The following COLEC12 variants were observed in gnomAD, a reference collection of about 807,000 sequenced individuals.
The protein encoded by COLEC12 is collectin subfamily member 12, also known as collectin-12.
In COLEC12, 33 loss-of-function variants were observed where a neutral mutation model predicts 71.1. That is an observed-to-expected ratio of 0.46 (90% CI 0.35 to 0.62). The LOEUF (loss-of-function observed/expected upper bound fraction) is 0.62, where lower values mean the gene tolerates loss of function less well. COLEC12 is among the 20% of genes least tolerant of loss of function. The pLI is 0.00. For missense variants in COLEC12, 765 were observed against 916.1 expected, an observed-to-expected ratio of 0.84 and a Z score of 2.13; for synonymous variants, 350 against 353.0, an observed-to-expected ratio of 0.99 and a Z score of 0.10.
Position 327,178 on chromosome 18 carries a change from G to A in COLEC12, c.2063+4490C>T, listed in dbSNP as rs1453789827. Among the ~76,000 whole-genome samples the A allele has an allele frequency of 6.6e-6, 1 of 152,198 alleles. No individual in the cohort carries two copies. Among genetic ancestry groups the A allele is most frequent in the Non-Finnish European group, 1.5e-5 (1 of 68,036 alleles). On this transcript the variant is annotated intron_variant, in intron 8 of 9. Transcript: ENST00000400256. This position sits in a 1 kb window ranked among gnomAD's most constrained non-coding sequence, Gnocchi z 4.0. ...GACCTGGTGAAATGAGAAGAATAAG[G>A]ACAATGTGTGTGTGTGTGAATGTAA... is the stretch of plus-strand genomic sequence containing the variant.
At chr18:403,121 T>C (rs1163390525) in intron 2 of COLEC12, among the ~76,000 whole-genome samples, 1 of 152,212 alleles carries the variant, frequency 6.6e-6, no homozygotes, top group Admixed American at 6.5e-5. Context: ...AGGATCATGA[T>C]ACAAAGGACT....
chr18:423,731 G>A (rs1205969726), intron 2 of COLEC12: 2 of 152,092 alleles, frequency 1.3e-5, no homozygotes, highest in Non-Finnish European at 2.9e-5. Flanking sequence ...AACGACTTCT[G>A]GTTTTGTTTT....
chr18:412,729 C>T (rs899555583), intron 2 of COLEC12, among the ~76,000 whole-genome samples: 12 of 152,030 alleles, frequency 7.9e-5, no homozygotes, highest in Admixed American at 6.5e-4. Flanking sequence ...CTAGAACTAG[C>T]GAAATGACAA....
At position 334,771 on chromosome 18, in the gene COLEC12, T is replaced by C. The variant is rs1312205266; in HGVS notation, c.1787A>G (p.Asn596Ser). ...GTCCTCCGGTGCTGGGGTTGGCTCA[T>C]TCTGCAGGGCCAGGGGCACCACCGC... ...SGAVVPLALQ[N>S]EPTPAPEDNG... Residue 596 changes from asparagine (N) to serine (S), a missense_variant, in exon 6 of 10, where the codon AAT (asparagine) becomes AGT (serine). Transcript: ENST00000400256. The C allele has an allele frequency of 1.0e-5, 15 of 1,477,592 alleles. No individual in the cohort carries two copies. The highest frequency in any genetic ancestry group is 1.3e-5 in the Non-Finnish European group (15 of 1,120,108). The allele number at this position is 1,477,592 out of a possible 1,614,324, so 91.5% of individuals were successfully genotyped here.
chr18:368,638 G>A (rs938211406), intron 2 of COLEC12, among the ~76,000 whole-genome samples: 9 of 152,136 alleles, frequency 5.9e-5, no homozygotes, highest in African/African-American at 1.2e-4. Context: ...GCCAAGGTGG[G>A]CGGATCATGA....
intron 2 of COLEC12, among the ~76,000 whole-genome samples, chr18:405,639 C>A (rs1045138795): frequency 1.3e-5 from 2 of 152,188 alleles, no homozygotes; most frequent in Non-Finnish European, 2.9e-5. Context: ...GCTGCTCCAA[C>A]ACAGGTATTT....
intron 2 of COLEC12, among the ~76,000 whole-genome samples, chr18:395,297 A>C (rs1915546618): frequency 6.6e-6 from 1 of 152,210 alleles, no homozygotes; most frequent in Non-Finnish European, 1.5e-5. Context: ...AGGGCCCTCC[A>C]AACTGCACAT....
chr18:427,429 C>T (rs1916219143), intron 2 of COLEC12, among the ~76,000 whole-genome samples: 1 of 152,168 alleles, frequency 6.6e-6, no homozygotes, highest in African/African-American at 2.4e-5. Flanking sequence ...CATTTAGAAT[C>T]TGAGGTCATC....
chr18:353,709 G>C (rs577219742), intron 3 of COLEC12, among the ~76,000 whole-genome samples: 208 of 152,332 alleles, frequency 1.4e-3, no homozygotes, highest in Non-Finnish European at 9.1e-4. Flanking sequence ...TTTTGTACCA[G>C]ACTGATCATG....
intron 2 of COLEC12, among the ~76,000 whole-genome samples, chr18:433,018 A>C (rs1916335574): frequency 6.6e-6 from 1 of 152,196 alleles, no homozygotes; most frequent in Non-Finnish European, 1.5e-5. Flanking sequence ...AATTTTGCAC[A>C]GTGTGATGAT....
chr18:358,228 G>C (rs1261161887), intron 2 of COLEC12, among the ~76,000 whole-genome samples: 1 of 152,210 alleles, frequency 6.6e-6, no homozygotes, highest in Non-Finnish European at 1.5e-5. Context: ...AGATGGTATA[G>C]ACCAGCGGTC....
At chr18:368,781 G>A (rs374023707) in intron 2 of COLEC12, among the ~76,000 whole-genome samples, 75 of 152,312 alleles carry the variant, frequency 4.9e-4, no homozygotes, top group African/African-American at 1.7e-3. Context: ...CAGGAGAATG[G>A]CGTGAACCCG....
intron 2 of COLEC12, among the ~76,000 whole-genome samples, chr18:410,812 C>T (rs1915878919): frequency 6.6e-6 from 1 of 152,112 alleles, no homozygotes; most frequent in South Asian, 2.1e-4. Flanking sequence ...CCGAAAAAAG[C>T]TCATCTCTTC....
At chr18:461,194 A>G (rs1223110475) in intron 2 of COLEC12, among the ~76,000 whole-genome samples, 3 of 152,204 alleles carry the variant, frequency 2.0e-5, no homozygotes, top group African/African-American at 7.2e-5. Context: ...GCATTGTCCA[A>G]TAGAAATATA....
intron 2 of COLEC12, among the ~76,000 whole-genome samples, chr18:394,074 TG>T (rs971562130): frequency 6.6e-6 from 1 of 152,218 alleles, no homozygotes; most frequent in African/African-American, 2.4e-5. Context: ...AATAATGGGA[TG>T]CTTTTTTTCC....
intron 2 of COLEC12, among the ~76,000 whole-genome samples, chr18:380,893 G>C (rs971779582): frequency 6.6e-6 from 1 of 152,170 alleles, no homozygotes; most frequent in African/African-American, 2.4e-5. Context: ...AAGAGGTACA[G>C]GGTCTTGTGT....
chr18:428,081 A>G (rs370672094), intron 2 of COLEC12, among the ~76,000 whole-genome samples: 3 of 152,022 alleles, frequency 2.0e-5, no homozygotes, highest in East Asian at 1.9e-4. Flanking sequence ...CCTGGCCAAC[A>G]TGGTGAAACC....
intron 2 of COLEC12, among the ~76,000 whole-genome samples, chr18:380,600 T>C (rs981755062): frequency 7.2e-5 from 11 of 152,112 alleles, no homozygotes; most frequent in Non-Finnish European, 1.0e-4. Context: ...CACACTCACA[T>C]ACACACACTC....
intron 2 of COLEC12, among the ~76,000 whole-genome samples, chr18:474,940 T>C (rs930489390): frequency 6.6e-6 from 1 of 151,784 alleles, no homozygotes; most frequent in African/African-American, 2.4e-5. Flanking sequence ...CTGGGCTCGG[T>C]GGCGGCGCCT....
Sources: gnomAD v4.1 joint callset for allele counts (sites outside exome capture counted in the v4.1 genomes callset) on GRCh38, gnomAD v4.1.1 for gene constraint, Gnocchi (gnomAD v3.1) non-coding constraint, MANE v1.5 for transcripts, NCBI Gene and HGNC (gene_info 2026-07-23, HGNC 2026-07-21) for gene names.